SLC47A1: variants seen among roughly 807,000 people sequenced by gnomAD.
SLC47A1 encodes the protein multidrug and toxin extrusion protein 1.
SLC47A1 carries 58 observed loss-of-function variants against 65.8 expected under a neutral mutation model. That is an observed-to-expected ratio of 0.88 (90% CI 0.71 to 1.10). The LOEUF is 1.10. Ranked by LOEUF, SLC47A1 falls within the 50% of genes least tolerant of loss-of-function variation. The pLI is 0.00. For missense variants in SLC47A1, 706 were observed against 719.2 expected (o/e 0.98, Z 0.21); for synonymous variants, 285 against 295.0 (o/e 0.97, Z 0.35).
intron 10 of SLC47A1, chr17:19,557,537 T>A (rs1302586109): frequency 1.9e-6 from 1 of 513,018 alleles, no homozygotes; most frequent in Non-Finnish European, 3.9e-6. Flanking sequence ...GTCTGATTAT[T>A]TCTTTAAGAT....
At chr17:19,576,576 G>C (rs1203221310) in intron 16 of SLC47A1, among the ~76,000 whole-genome samples, 3 of 151,676 alleles carry the variant, frequency 2.0e-5, no homozygotes, top group African/African-American at 7.3e-5. Flanking sequence ...TGAACTCCTG[G>C]GCTCAAGGGA....
chr17:19,578,042 G>A lies in SLC47A1; in HGVS notation c.*489G>A. Reference sequence around the variant, plus strand: ...CTGTCATGCAGGCTGGAGTGCGGTGGTGCGATCATAGCTCACTGCAGCCTC... The same window carrying A: ...CTGTCATGCAGGCTGGAGTGCGGTGATGCGATCATAGCTCACTGCAGCCTC... On this transcript the variant is annotated 3_prime_UTR_variant, in exon 17 of 17. Transcript: ENST00000270570. 1 of 1,110,316 alleles carries A rather than the reference G, an allele frequency of 9.0e-7. No individual in the cohort carries two copies. The highest frequency in any genetic ancestry group is 1.6e-5 in the African/African-American group (1 of 62,034). 68.8% of individuals were successfully genotyped at this position (1,110,316 alleles called of 1,614,324 possible). A position where few individuals can be genotyped will look rare whatever the true frequency, so the allele number is the denominator to read the frequency against.
chr17:19,577,176 C>T (rs191625477), intron 16 of SLC47A1, 151 bp from the exon 17 acceptor site: 488 of 1,170,628 alleles, frequency 4.2e-4, no homozygotes, highest in Non-Finnish European at 5.2e-4. Flanking sequence ...GGGCACTCTG[C>T]GATAAGATTT....
intron 16 of SLC47A1, among the ~76,000 whole-genome samples, chr17:19,574,186 G>A (rs2084421923): frequency 6.6e-6 from 1 of 152,070 alleles, no homozygotes; most frequent in Admixed American, 6.6e-5. Flanking sequence ...GCCCCCCAAA[G>A]TGCTGGGATT....
intron 10 of SLC47A1, 50 bp from the exon 11 acceptor site, chr17:19,560,138 C>G (rs1433782218): frequency 1.4e-6 from 2 of 1,382,992 alleles, no homozygotes; most frequent in South Asian, 1.3e-5. Context: ...TGCACGTGTT[C>G]TCGCTCTGCA....
intron 5 of SLC47A1, among the ~76,000 whole-genome samples, chr17:19,550,845 C>T (rs1461082956): frequency 2.6e-5 from 4 of 152,256 alleles, no homozygotes; most frequent in African/African-American, 7.2e-5. Flanking sequence ...GTGCATTCAT[C>T]CCCCGGTATC....
intron 1 of SLC47A1, among the ~76,000 whole-genome samples, chr17:19,536,282 A>ATAG (rs58716559): frequency 6.6e-6 from 1 of 151,470 alleles, no homozygotes; most frequent in Non-Finnish European, 1.5e-5. Context: ...AATAATAATA[A>ATAG]CAGGGCAGGT....
At chr17:19,551,357 C>A in intron 5 of SLC47A1, 67 bp from the exon 6 acceptor site, 1 of 1,378,910 alleles carries the variant, frequency 7.3e-7, no homozygotes, top group Non-Finnish European at 1.0e-6. Context: ...TAGCTCCCTG[C>A]CGTGTGACCT....
At chr17:19,575,738 C>G (rs1207939349) in intron 16 of SLC47A1, among the ~76,000 whole-genome samples, 4 of 152,122 alleles carry the variant, frequency 2.6e-5, no homozygotes, top group Non-Finnish European at 5.9e-5. Context: ...GAGACTAAGT[C>G]TAGGTGTGAA....
chr17:19,545,199 A>AT lies in SLC47A1; in HGVS notation c.238-1223dup, dbSNP rs112985126. On this transcript the variant is annotated intron_variant, in intron 2 of 16. Coordinates refer to ENST00000270570, the MANE Select transcript of SLC47A1 (RefSeq NM_018242.3). ...GAATTCAGGCTCTGCTTAATAAAAA[A>AT]TTTTTTTTTTTTTGAGATGGAGTCT... Among the ~76,000 whole-genome samples the AT allele has an allele frequency of 4.3e-3, 631 of 147,564 alleles. 7 individuals are homozygous for AT. The highest frequency in any genetic ancestry group is 0.021 in the Middle Eastern group (6 of 280).
intron 4 of SLC47A1, 68 bp downstream of exon 4, chr17:19,548,201 AGCCAGG>A: frequency 1.9e-6 from 3 of 1,555,564 alleles, no homozygotes; most frequent in Non-Finnish European, 2.6e-6. Context: ...GTCTGGGTGC[AGCCAGG>A]GCCAGGGACA....
At chr17:19,553,545 C>CTTT (rs144325967) in intron 6 of SLC47A1, among the ~76,000 whole-genome samples, 2 of 133,626 alleles carry the variant, frequency 1.5e-5, no homozygotes, top group South Asian at 2.4e-4. Context: ...TTCTTTCTTC[C>CTTT]TTTTTTTTTT....
intron 1 of SLC47A1, among the ~76,000 whole-genome samples, chr17:19,537,072 C>A (rs1441790888): frequency 6.6e-6 from 1 of 152,230 alleles, no homozygotes; most frequent in Non-Finnish European, 1.5e-5. Flanking sequence ...TCTTGGTCAT[C>A]AGCCTCTCAT....
At chr17:19,547,924 A>C (rs1429736096) in intron 3 of SLC47A1, 61 bp from the exon 4 acceptor site, 2 of 1,494,164 alleles carry the variant, frequency 1.3e-6, no homozygotes, top group Middle Eastern at 1.8e-4. Flanking sequence ...GAAGGCTTTT[A>C]GGGGACAGCT....
chr17:19,540,874 A>ACACACC (rs1285017210), intron 1 of SLC47A1, among the ~76,000 whole-genome samples: 166 of 151,332 alleles, frequency 1.1e-3, no homozygotes, highest in African/African-American at 3.8e-3. Flanking sequence ...ACACACACAC[A>ACACACC]CACCCCTAGG....
At chr17:19,571,704 C>CT (rs1412314918) in intron 15 of SLC47A1, 132 bp downstream of exon 15, 1 of 675,646 alleles carries the variant, frequency 1.5e-6, no homozygotes, top group Non-Finnish European at 2.5e-6. Context: ...TACTATTGTT[C>CT]TTGTTGTTTT....
At position 19,556,034 on chromosome 17, in the gene SLC47A1, T is replaced by G. The variant is rs1916599840; in HGVS notation, c.893T>G (p.Val298Gly). 1 of 1,614,144 alleles carries G rather than the reference T, an allele frequency of 6.2e-7. No homozygotes were observed. Among genetic ancestry groups the G allele is most frequent in the Non-Finnish European group, 8.5e-7 (1 of 1,180,028 alleles). ...GMVELGAQSI[V>G]YELAIIVYMV... ...GTGGAGCTGGGCGCTCAGTCCATCG[T>G]GTATGAACTGGCCATCATTGTGTAC... Residue 298 changes from valine (V) to glycine (G), a missense_variant, in exon 10 of 17, where the codon GTG (valine) becomes GGG (glycine). By Grantham distance (109) the Val-to-Gly change is moderately radical. Coordinates refer to ENST00000270570, the MANE Select transcript of SLC47A1 (RefSeq NM_018242.3).
Position 19,577,656 on chromosome 17 carries a change from G to A in SLC47A1, c.*103G>A. On this transcript the variant is annotated 3_prime_UTR_variant, in exon 17 of 17. Transcript: ENST00000270570. The stretch of plus-strand genomic sequence containing the variant: ...CTGTGAGTTAATGTCATTCAGGTGT[G>A]CCCATGGATTTTGAGGGCTGGAAAT... 1 of 1,526,874 alleles carries A rather than the reference G, an allele frequency of 6.5e-7. No individual in the cohort carries two copies. The highest frequency in any genetic ancestry group is 8.7e-7 in the Non-Finnish European group (1 of 1,144,252). The allele number at this position is 1,526,874 out of a possible 1,614,324, so 94.6% of individuals were successfully genotyped here.
intron 5 of SLC47A1, among the ~76,000 whole-genome samples, chr17:19,550,134 GT>G (rs1916406607): frequency 6.6e-6 from 1 of 152,120 alleles, no homozygotes; most frequent in East Asian, 1.9e-4. Context: ...TTTGTTTGGT[GT>G]TTTTGAGACA....
Sources: gnomAD v4.1 joint callset for allele counts (sites outside exome capture counted in the v4.1 genomes callset) on GRCh38, gnomAD v4.1.1 for gene constraint, MANE v1.5 for transcripts, NCBI Gene and HGNC (gene_info 2026-07-23, HGNC 2026-07-21) for gene names.